SLC35F6: variants seen among roughly 807,000 people sequenced by gnomAD.
The protein encoded by SLC35F6 is solute carrier family 35 member F6.
In SLC35F6, 26 loss-of-function variants were observed where a neutral mutation model predicts 29.4. The ratio of observed to expected loss-of-function variants is 0.89; its 90% confidence interval spans 0.65 to 1.23. SLC35F6 has a LOEUF of 1.23. Ranked by LOEUF, SLC35F6 falls within the 50% of genes most tolerant of loss-of-function variation. The pLI is 0.00. For missense variants in SLC35F6, 428 were observed against 487.8 expected, an observed-to-expected ratio of 0.88 and a Z score of 1.15; for synonymous variants, 174 against 206.6, an observed-to-expected ratio of 0.84 and a Z score of 1.35.
intron 1 of SLC35F6, among the ~76,000 whole-genome samples, chr2:26,769,723 C>T (rs937106901): frequency 1.3e-5 from 2 of 152,172 alleles, no homozygotes; most frequent in South Asian, 2.1e-4. Context: ...AGGTTCCAGA[C>T]GTTTTTCCAG....
At position 26,776,423 on chromosome 2, in the gene SLC35F6, T is replaced by C; in HGVS notation, c.587T>C (p.Leu196Pro). The C allele has an allele frequency of 6.2e-7, 1 of 1,614,140 alleles. No homozygotes were observed. The highest frequency in any genetic ancestry group is 8.5e-7 in the Non-Finnish European group (1 of 1,180,042). The change falls in exon 5 of 6, where the codon CTA (leucine) becomes CCA (proline). Residue 196 changes from leucine to proline, a missense_variant. Physicochemically the swap from Leu to Pro is moderately conservative, Grantham distance 98. Transcript: ENST00000344420. ...ATCATCGTTGCCATCCAGATGGTGC[T>C]AGAGGAGAAGTTCGTCTACAAACAC... Reference protein sequence around the residue: ...AQIIVAIQMVLEEKFVYKHNV... With the variant: ...AQIIVAIQMVPEEKFVYKHNV...
At chr2:26,774,358 C>A in intron 2 of SLC35F6, 35 bp downstream of exon 2, 1 of 1,611,636 alleles carries the variant, frequency 6.2e-7, no homozygotes, top group South Asian at 1.1e-5. Flanking sequence ...TCCTGTCTCC[C>A]GGGCCTCAGA....
chr2:26,769,554 G>A (rs560906269), intron 1 of SLC35F6, among the ~76,000 whole-genome samples: 74 of 152,376 alleles, frequency 4.9e-4, no homozygotes, highest in Non-Finnish European at 9.6e-4. Context: ...CTGAGGAGCC[G>A]TGAGCCCCTC....
chr2:26,764,543 A>C (rs1664059971), intron 1 of SLC35F6, 117 bp downstream of exon 1: 6 of 1,323,594 alleles, frequency 4.5e-6, no homozygotes, highest in Non-Finnish European at 6.3e-6. Flanking sequence ...TGCTCCGGTC[A>C]GTTCGCGCGC....
chr2:26,777,748 G>GTGTA (rs1410905215), intron 5 of SLC35F6, among the ~76,000 whole-genome samples: 3 of 150,012 alleles, frequency 2.0e-5, no homozygotes, highest in Non-Finnish European at 2.9e-5. Flanking sequence ...TTATGAGTGT[G>GTGTA]TGTGTGTGTG....
chr2:26,774,567 C>G (rs1427653104), intron 2 of SLC35F6, among the ~76,000 whole-genome samples: 1 of 152,220 alleles, frequency 6.6e-6, no homozygotes, highest in African/African-American at 2.4e-5. Flanking sequence ...AGTCAGGACA[C>G]GTGGAAAACA....
chr2:26,770,929 T>C (rs935845778), intron 1 of SLC35F6, among the ~76,000 whole-genome samples: 1 of 152,208 alleles, frequency 6.6e-6, no homozygotes, highest in African/African-American at 2.4e-5. Flanking sequence ...AGCCTGGCTT[T>C]CTGCCCCAAG....
At chr2:26,774,760 G>C (rs1212502327) in intron 2 of SLC35F6, among the ~76,000 whole-genome samples, 3 of 152,160 alleles carry the variant, frequency 2.0e-5, no homozygotes, top group Non-Finnish European at 4.4e-5. Flanking sequence ...AGCCTCTCTT[G>C]GGTCTAGGCT....
At chr2:26,772,811 G>A (rs1304090016) in intron 1 of SLC35F6, among the ~76,000 whole-genome samples, 1 of 152,220 alleles carries the variant, frequency 6.6e-6, no homozygotes, top group Non-Finnish European at 1.5e-5. Context: ...CGAAATTCAA[G>A]ACAGAGAATT....
Position 26,775,694 on chromosome 2 carries a change from G to A in SLC35F6, c.535+18G>A, listed in dbSNP as rs1457002640. ...GATCACAGGTGCGGCCAGGGGCAGGGACACGGGGCTGCCCTATCCTGCCCT... is the reference window on the plus strand; with the variant it reads ...GATCACAGGTGCGGCCAGGGGCAGGAACACGGGGCTGCCCTATCCTGCCCT... On this transcript the variant is annotated intron_variant, in intron 4 of 5. Coordinates refer to ENST00000344420, the MANE Select transcript of SLC35F6 (RefSeq NM_017877.4). The surrounding 1 kb of genome is among the most constrained non-coding windows in gnomAD (Gnocchi z 4.6). The A allele has an allele frequency of 1.9e-6, 3 of 1,547,500 alleles. No homozygotes were observed. Among genetic ancestry groups the A allele is most frequent in the Non-Finnish European group, 1.7e-6 (2 of 1,150,100 alleles).
rs1179370154 is a variant in SLC35F6 at position 26,775,233 on chromosome 2, G to A, written c.322+18G>A. 3 of 1,607,846 alleles carry A rather than the reference G, an allele frequency of 1.9e-6. No homozygotes were observed. Among genetic ancestry groups the A allele is most frequent in the Admixed American group, 3.4e-5 (2 of 59,638 alleles). ...GTATGTGGGTGAGTAACCAGGCCAG[G>A]CTGAGAAGGGCTCAGGGGAAGCTGT... On this transcript the variant is annotated intron_variant, in intron 3 of 5. Transcript: ENST00000344420. This position sits in a 1 kb window ranked among gnomAD's most constrained non-coding sequence, Gnocchi z 4.6.
chr2:26,777,919 G>C (rs1664330809), intron 5 of SLC35F6, 123 bp from the exon 6 acceptor site: 1 of 864,438 alleles, frequency 1.2e-6, no homozygotes, highest in Non-Finnish European at 1.8e-6. Flanking sequence ...GGACGTGAAA[G>C]GAGGGAGCTG....
chr2:26,775,606 G>T lies in SLC35F6; in HGVS notation c.465G>T (p.Leu155=). The T allele has an allele frequency of 6.2e-7, 1 of 1,606,330 alleles. No homozygotes were observed. Residue 155 remains leucine, a synonymous_variant, in exon 4 of 6, where the codon CTG becomes CTT. Coordinates refer to ENST00000344420, the MANE Select transcript of SLC35F6 (RefSeq NM_017877.4). The surrounding 1 kb of genome is among the most constrained non-coding windows in gnomAD (Gnocchi z 4.6). ...GCATCCTAGCCACCATCGCGGGGCT[G>T]GTGGTCGTGGGCCTGGCTGACCTCC... The part of the protein sequence containing the change: ...WLGILATIAG[L]VVVGLADLLS...
chr2:26,769,496 C>T (rs1194025556), intron 1 of SLC35F6, among the ~76,000 whole-genome samples: 6 of 152,232 alleles, frequency 3.9e-5, no homozygotes, highest in Non-Finnish European at 7.3e-5. Flanking sequence ...AGGGAGGGGG[C>T]GCATGACTGC....
chr2:26,768,482 C>T (rs1282620246), intron 1 of SLC35F6, among the ~76,000 whole-genome samples: 1 of 151,726 alleles, frequency 6.6e-6, no homozygotes, highest in Non-Finnish European at 1.5e-5. Flanking sequence ...ATGCCTCAGC[C>T]TCCTGAGTAA....
In SLC35F6 at chr2:26,778,651, C is replaced by T. The variant is rs371539243; in HGVS notation, c.*140C>T. ...TGCAGAACCCCCAGGGCAGCTGCTG[C>T]CACAGAAGATAACAACACCCAAGTC... On this transcript the variant is annotated 3_prime_UTR_variant, in exon 6 of 6. Coordinates refer to ENST00000344420, the MANE Select transcript of SLC35F6 (RefSeq NM_017877.4). 16 of 797,370 alleles carry T rather than the reference C, an allele frequency of 2.0e-5. No homozygotes were observed. Among genetic ancestry groups the T allele is most frequent in the Non-Finnish European group, 2.9e-5 (15 of 519,664 alleles). The allele number at this position is 797,370 out of a possible 1,614,324, so 49.4% of individuals were successfully genotyped here. A position where few individuals can be genotyped will look rare whatever the true frequency, so the allele number is the denominator to read the frequency against.
Position 26,776,441 on chromosome 2 carries a change from A to G in SLC35F6, c.605A>G (p.Tyr202Cys), listed in dbSNP as rs1415196770. 5 of 1,614,084 alleles carry G rather than the reference A, an allele frequency of 3.1e-6. No individual in the cohort carries two copies. Among genetic ancestry groups the G allele is most frequent in the Middle Eastern group, 1.6e-4 (1 of 6,084 alleles). Reference protein sequence around the residue: ...IQMVLEEKFVYKHNVHPLRAV... With the variant: ...IQMVLEEKFVCKHNVHPLRAV... ...ATGGTGCTAGAGGAGAAGTTCGTCT[A>G]CAAACACAATGTGCACCCACTGCGG... is the stretch of plus-strand genomic sequence containing the variant. Residue 202 changes from tyrosine (Y) to cysteine (C), a missense_variant, in exon 5 of 6, where the codon TAC becomes TGC. Tyr to Cys is a radical substitution (Grantham distance 194, BLOSUM62 -2). Transcript: ENST00000344420.
intron 1 of SLC35F6, among the ~76,000 whole-genome samples, chr2:26,772,293 T>A (rs147334469): frequency 6.6e-6 from 1 of 152,264 alleles, no homozygotes; most frequent in East Asian, 1.9e-4. Flanking sequence ...GAGCTGAGGC[T>A]CGCTACAGAG....
intron 4 of SLC35F6, 84 bp from the exon 5 acceptor site, chr2:26,776,288 C>A: frequency 8.0e-7 from 1 of 1,244,402 alleles, no homozygotes; most frequent in Non-Finnish European, 1.2e-6. Flanking sequence ...CAGGGGCTGG[C>A]ATGTTTGGTC....
Sources: gnomAD v4.1 joint callset for allele counts (sites outside exome capture counted in the v4.1 genomes callset) on GRCh38, gnomAD v4.1.1 for gene constraint, Gnocchi (gnomAD v3.1) non-coding constraint, MANE v1.5 for transcripts, NCBI Gene and HGNC (gene_info 2026-07-23, HGNC 2026-07-21) for gene names.